The following FRMPD4 variants were observed in gnomAD, a reference collection of about 807,000 sequenced individuals.
FRMPD4 encodes the protein FERM and PDZ domain-containing protein 4.
In FRMPD4, 22 loss-of-function variants were observed where a neutral mutation model predicts 94.1. The ratio of observed to expected loss-of-function variants is 0.23; its 90% CI spans 0.17 to 0.33. The LOEUF (loss-of-function observed/expected upper bound fraction) is 0.33, where lower values mean the gene tolerates loss of function less well. FRMPD4 is among the 10% of genes least tolerant of loss of function. FRMPD4 has a pLI of 1.00. For missense variants in FRMPD4, 1,111 were observed against 1,339.9 expected (o/e 0.83, Z 2.67); for synonymous variants, 631 against 548.6 (o/e 1.15, Z -2.10).
rs1225573809 is a variant in FRMPD4 at position 12,217,500 on chromosome X, A to T, written c.41+78488A>T. 2.7e-5 allele frequency among the ~76,000 whole-genome samples: 3 copies of T among 112,403 alleles called. No homozygotes were observed. The East Asian group carries it at 8.3e-4, about 31-fold the overall frequency. On this transcript the variant is annotated intron_variant, in intron 1 of 16. Transcript: ENST00000675598. ...TGCATTCATGTCTGTAAAGAACAGT[A>T]AAAAAGCAGGAACACATTTTTGATG...
intron 1 of FRMPD4, among the ~76,000 whole-genome samples, chrX:12,268,213 A>G (rs2054302755): frequency 8.9e-6 from 1 of 112,195 alleles, no homozygotes; most frequent in African/African-American, 3.2e-5. Context: ...CTCACATTGC[A>G]TTGGCAAGAG....
At chrX:12,375,546 C>T (rs1478444978) in intron 1 of FRMPD4, among the ~76,000 whole-genome samples, 1 of 112,634 alleles carries the variant, frequency 8.9e-6, no homozygotes, top group Non-Finnish European at 1.9e-5. Context: ...CCTCTGACTT[C>T]TTCTTCTGCG....
At chrX:12,241,611 A>C (rs968671168) in intron 1 of FRMPD4, among the ~76,000 whole-genome samples, 3 of 111,739 alleles carry the variant, frequency 2.7e-5, no homozygotes, top group Non-Finnish European at 3.8e-5. Context: ...TAGAGAAAGG[A>C]AAATAAGGCC....
intron 4 of FRMPD4, among the ~76,000 whole-genome samples, chrX:12,651,338 G>T (rs1158098812): frequency 1.2e-5 from 1 of 81,659 alleles, no homozygotes; most frequent in South Asian, 6.0e-4. Flanking sequence ...CACCCACTAG[G>T]ATTTTTTTTT....
At chrX:12,456,540 T>A (rs2057335693) in intron 1 of FRMPD4, among the ~76,000 whole-genome samples, 1 of 111,868 alleles carries the variant, frequency 8.9e-6, no homozygotes, top group Non-Finnish European at 1.9e-5. Context: ...TCCCTCTCTG[T>A]CAAAGGGAAA....
intron 3 of FRMPD4, among the ~76,000 whole-genome samples, chrX:11,920,288 G>T (rs530825877): frequency 8.9e-6 from 1 of 111,990 alleles, no homozygotes; most frequent in African/African-American, 3.2e-5. Flanking sequence ...TGCCAGCATT[G>T]TTATGATGAG....
intron 1 of FRMPD4, among the ~76,000 whole-genome samples, chrX:12,444,776 C>T (rs1175186737): frequency 9.0e-6 from 1 of 111,194 alleles, no homozygotes; most frequent in Non-Finnish European, 1.9e-5. Context: ...TTATAACAAG[C>T]CTACTCTCAA....
intron 2 of FRMPD4, among the ~76,000 whole-genome samples, chrX:12,563,794 A>G (rs975790805): frequency 4.5e-5 from 5 of 112,257 alleles, no homozygotes; most frequent in Non-Finnish European, 9.4e-5. Flanking sequence ...ACATGTCCTT[A>G]TAATTGGGTT....
At chrX:11,857,304 A>T (rs2053659049) in intron 1 of FRMPD4, among the ~76,000 whole-genome samples, 1 of 111,677 alleles carries the variant, frequency 9.0e-6, no homozygotes, top group African/African-American at 3.3e-5. Context: ...CTGATGTCAA[A>T]CTGTACTACA....
chrX:12,060,395 CTGTT>C (rs1252629235), intron 3 of FRMPD4, among the ~76,000 whole-genome samples: 2 of 101,157 alleles, frequency 2.0e-5, no homozygotes, highest in Non-Finnish European at 3.9e-5. Flanking sequence ...ATGTTGCTGG[CTGTT>C]TATGTGTCTT....
intron 5 of FRMPD4, among the ~76,000 whole-genome samples, chrX:12,675,452 A>G (rs944611415): frequency 9.1e-6 from 1 of 109,655 alleles, no homozygotes; most frequent in Non-Finnish European, 1.9e-5. Context: ...CGACTTTATC[A>G]TGGTATAATC....
At position 12,723,368 on chromosome X, in the gene FRMPD4, C is replaced by T. The variant is rs974133753; in HGVS notation, c.*1510C>T. The T allele has an allele frequency of 6.3e-5, 7 of 111,171 alleles. No homozygotes were observed. Among genetic ancestry groups the T allele is most frequent in the African/African-American group, 2.3e-4 (7 of 30,471 alleles). 9.2% of individuals were successfully genotyped at this position (111,171 alleles called of 1,213,427 possible). A position where few individuals can be genotyped will look rare whatever the true frequency, so the allele number is the denominator to read the frequency against. ...GGTGCAAATATTTCTACTTTTGTAG[C>T]CTGCTGAGAAGGAGTCATAACACAG... is the stretch of plus-strand genomic sequence containing the variant. On this transcript the variant is annotated 3_prime_UTR_variant, in exon 17 of 17. Coordinates refer to ENST00000675598, the MANE Select transcript of FRMPD4 (RefSeq NM_001368397.1).
chrX:12,441,689 GTGTT>G (rs746575000), intron 1 of FRMPD4, among the ~76,000 whole-genome samples: 1 of 112,268 alleles, frequency 8.9e-6, no homozygotes, highest in African/African-American at 3.2e-5. Flanking sequence ...TAAGAATTGA[GTGTT>G]TGGGAATAAA....
intron 1 of FRMPD4, among the ~76,000 whole-genome samples, chrX:12,212,983 G>A (rs1448389783): frequency 9.0e-6 from 1 of 111,229 alleles, no homozygotes; most frequent in Non-Finnish European, 1.9e-5. Context: ...TACCCCCAAA[G>A]CATAAATAAC....
At chrX:12,036,286 T>C (rs190415864) in intron 3 of FRMPD4, among the ~76,000 whole-genome samples, 2 of 112,053 alleles carry the variant, frequency 1.8e-5, no homozygotes, top group East Asian at 2.8e-4. Context: ...CCAACCAAGA[T>C]TGAGAGACAT....
At chrX:12,125,777 C>G (rs1382400137) in intron 3 of FRMPD4, among the ~76,000 whole-genome samples, 1 of 112,211 alleles carries the variant, frequency 8.9e-6, no homozygotes, top group Non-Finnish European at 1.9e-5. Flanking sequence ...CAAATGTTAG[C>G]TTTAGCAAAC....
chrX:12,266,511 G>A (rs2054279194), intron 1 of FRMPD4, among the ~76,000 whole-genome samples: 1 of 111,491 alleles, frequency 9.0e-6, no homozygotes, highest in Non-Finnish European at 1.9e-5. Flanking sequence ...GTCTGGGCTT[G>A]GAAGTGACAT....
intron 1 of FRMPD4, among the ~76,000 whole-genome samples, chrX:12,237,082 G>A (rs1188931681): frequency 8.9e-6 from 1 of 112,025 alleles, no homozygotes; most frequent in Non-Finnish European, 1.9e-5. Context: ...AAGAACAAGA[G>A]TCTACATTTA....
intron 1 of FRMPD4, among the ~76,000 whole-genome samples, chrX:12,185,809 C>G (rs2056417921): frequency 9.0e-6 from 1 of 111,370 alleles, no homozygotes; most frequent in African/African-American, 3.3e-5. Context: ...ATTGCATATT[C>G]ACCGGAAATC....
Sources: allele counts gnomAD v4.1 joint callset (sites outside exome capture counted in the v4.1 genomes callset), GRCh38; gene constraint gnomAD v4.1.1; transcripts MANE v1.5; gene names NCBI Gene and HGNC (gene_info 2026-07-23, HGNC 2026-07-21).